HDAC9: variants seen among roughly 807,000 people sequenced by gnomAD.
The protein encoded by HDAC9 is MEF-2 interacting transcription repressor (MITR) protein.
In HDAC9, 41 loss-of-function variants were observed where a neutral mutation model predicts 139.4. That is an observed-to-expected ratio of 0.29 (90% CI 0.23 to 0.38). The LOEUF (loss-of-function observed/expected upper bound fraction) is 0.38, where lower values mean the gene tolerates loss of function less well. HDAC9 is among the 10% of genes least tolerant of loss of function. The pLI, the probability that HDAC9 is intolerant of heterozygous loss-of-function variation, is 1.00. For missense variants in HDAC9, 1,147 were observed against 1,297.0 expected, an observed-to-expected ratio of 0.88 and a Z score of 1.78; for synonymous variants, 517 against 476.2, an observed-to-expected ratio of 1.09 and a Z score of -1.12.
At chr7:18,869,954 T>C (rs1293724149) in intron 21 of HDAC9, among the ~76,000 whole-genome samples, 1 of 151,970 alleles carries the variant, frequency 6.6e-6, no homozygotes, top group Non-Finnish European at 1.5e-5. Context: ...ACTTGTTTGA[T>C]AGCAATGGTC....
intron 12 of HDAC9, among the ~76,000 whole-genome samples, chr7:18,718,435 G>T (rs1050353261): frequency 4.6e-5 from 7 of 151,714 alleles, no homozygotes; most frequent in Non-Finnish European, 8.8e-5. Flanking sequence ...GTTTCACCTT[G>T]TTGCCCAGGC....
At chr7:18,090,294 C>A (rs1011972677) in intron 1 of HDAC9, among the ~76,000 whole-genome samples, 2 of 152,078 alleles carry the variant, frequency 1.3e-5, no homozygotes, top group Admixed American at 1.3e-4. Flanking sequence ...TTATGTATTT[C>A]TAGATTTTTA....
At chr7:18,827,454 T>C (rs1338341451) in intron 17 of HDAC9, among the ~76,000 whole-genome samples, 1 of 152,132 alleles carries the variant, frequency 6.6e-6, no homozygotes, top group Non-Finnish European at 1.5e-5. Context: ...TAATGAATTA[T>C]CCTTCTACAA....
intron 22 of HDAC9, among the ~76,000 whole-genome samples, chr7:18,899,078 T>TC (rs1801464758): frequency 2.0e-5 from 3 of 152,184 alleles, no homozygotes; most frequent in African/African-American, 7.2e-5. Flanking sequence ...TTTTGGAATC[T>TC]CCACTAAGCA....
At chr7:18,976,869 C>A (rs553040602) in intron 25 of HDAC9, among the ~76,000 whole-genome samples, 2 of 152,194 alleles carry the variant, frequency 1.3e-5, no homozygotes, top group Non-Finnish European at 2.9e-5. Context: ...GGAAATCAGA[C>A]TCCCTCCGTC....
intron 3 of HDAC9, among the ~76,000 whole-genome samples, chr7:18,586,510 C>T (rs1466518150): frequency 6.6e-6 from 1 of 151,994 alleles, no homozygotes; most frequent in East Asian, 1.9e-4. Flanking sequence ...ACTTGCATAT[C>T]AAGTACAAGC....
At chr7:18,308,483 T>A (rs1799079148) in intron 1 of HDAC9, among the ~76,000 whole-genome samples, 1 of 152,224 alleles carries the variant, frequency 6.6e-6, no homozygotes. Flanking sequence ...TTCAAAATGA[T>A]ATTTAATCTG....
chr7:18,736,548 G>A (rs1199220635), intron 13 of HDAC9, among the ~76,000 whole-genome samples: 1 of 152,162 alleles, frequency 6.6e-6, no homozygotes, highest in African/African-American at 2.4e-5. Flanking sequence ...ATTGATTTGT[G>A]TATGTTGAAC....
At chr7:18,805,007 G>C (rs1161635095) in intron 17 of HDAC9, among the ~76,000 whole-genome samples, 1 of 152,196 alleles carries the variant, frequency 6.6e-6, no homozygotes, top group African/African-American at 2.4e-5. Flanking sequence ...CGTTGCCCAG[G>C]CTGGTCTTGA....
At chr7:18,806,795 A>G (rs938250390) in intron 17 of HDAC9, among the ~76,000 whole-genome samples, 1 of 152,172 alleles carries the variant, frequency 6.6e-6, no homozygotes, top group Admixed American at 6.5e-5. Context: ...TGAATTGCAT[A>G]TATTGAAACA....
intron 1 of HDAC9, among the ~76,000 whole-genome samples, chr7:18,457,848 G>A (rs1793483211): frequency 6.6e-6 from 1 of 151,794 alleles, no homozygotes; most frequent in Non-Finnish European, 1.5e-5. Context: ...TCCTGGATGG[G>A]TCTTATTCTG....
In HDAC9 at chr7:18,341,484, A is replaced by G. The variant is rs187284695; in HGVS notation, c.-42+50969A>G. Among the ~76,000 whole-genome samples, 571 of 151,664 alleles carry G rather than the reference A, an allele frequency of 3.8e-3. 3 individuals are homozygous for G. The highest frequency in any genetic ancestry group is 0.013 in the African/African-American group (554 of 41,422). On this transcript the variant is annotated intron_variant, in intron 1 of 3. Transcript: ENST00000413509. Reference sequence around the variant, plus strand: ...TGGTAGTTTCTGTTGCTGTATCTTCAGGTATGCTAATCTTTTTTTCCTGCG... The same window carrying G: ...TGGTAGTTTCTGTTGCTGTATCTTCGGGTATGCTAATCTTTTTTTCCTGCG...
chr7:18,255,776 G>T (rs141845768), intron 2 of HDAC9, among the ~76,000 whole-genome samples: 1 of 151,818 alleles, frequency 6.6e-6, no homozygotes, highest in South Asian at 2.1e-4. Flanking sequence ...TTACAGGCAC[G>T]CACCATCACG....
intron 22 of HDAC9, among the ~76,000 whole-genome samples, chr7:18,924,766 TTG>T (rs1804065792): frequency 6.6e-6 from 1 of 152,138 alleles, no homozygotes; most frequent in East Asian, 1.9e-4. Flanking sequence ...AGATAACTTA[TTG>T]TGTGTCAGGT....
chr7:18,678,512 C>A (rs918770515), intron 12 of HDAC9, among the ~76,000 whole-genome samples: 4 of 151,400 alleles, frequency 2.6e-5, no homozygotes, highest in African/African-American at 9.7e-5. Flanking sequence ...ATATTTTTTT[C>A]TTCATGTTTT....
chr7:18,189,953 G>A (rs1437407453), intron 2 of HDAC9, among the ~76,000 whole-genome samples: 2 of 150,236 alleles, frequency 1.3e-5, no homozygotes, highest in Non-Finnish European at 3.0e-5. Flanking sequence ...GTGTGTGTAC[G>A]TTTGAGACAG....
intron 1 of HDAC9, among the ~76,000 whole-genome samples, chr7:18,337,505 G>A (rs563992892): frequency 6.6e-6 from 1 of 151,766 alleles, no homozygotes; most frequent in African/African-American, 2.4e-5. Flanking sequence ...TTGTAGACAT[G>A]TAATGAATGT....
intron 1 of HDAC9, among the ~76,000 whole-genome samples, chr7:18,417,402 G>A (rs759308760): frequency 8.6e-5 from 13 of 151,824 alleles, no homozygotes; most frequent in South Asian, 2.1e-4. Context: ...TTTTCAATTC[G>A]TTGGCTTTTC....
intron 22 of HDAC9, among the ~76,000 whole-genome samples, chr7:18,934,611 C>A (rs1169111451): frequency 6.6e-6 from 1 of 151,970 alleles, no homozygotes; most frequent in African/African-American, 2.4e-5. Flanking sequence ...TAGAAAACTC[C>A]CCTCTTACAC....
Sources: allele counts gnomAD v4.1 joint callset (sites outside exome capture counted in the v4.1 genomes callset), GRCh38; gene constraint gnomAD v4.1.1; transcripts MANE v1.5; gene names NCBI Gene and HGNC (gene_info 2026-07-23, HGNC 2026-07-21).